CTNND2: variants seen among roughly 807,000 people sequenced by gnomAD.
CTNND2 encodes catenin delta 2.
CTNND2 carries 22 observed loss-of-function variants against 144.4 expected under a neutral mutation model. The observed-to-expected ratio is 0.15, with a 90% CI of 0.11 to 0.22. The LOEUF (loss-of-function observed/expected upper bound fraction) is 0.22, where lower values mean the gene tolerates loss of function less well. Ranked by LOEUF, CTNND2 falls within the 10% of genes least tolerant of loss-of-function variation. The pLI is 1.00. For synonymous variants in CTNND2, 751 were observed against 695.6 expected (o/e 1.08, Z -1.25); for missense variants, 1,353 against 1,618.8 (o/e 0.84, Z 2.82).
intron 9 of CTNND2, among the ~76,000 whole-genome samples, chr5:11,299,099 G>A (rs1172934337): frequency 6.6e-6 from 1 of 152,088 alleles, no homozygotes; most frequent in African/African-American, 2.4e-5. Context: ...ATAATAAAAT[G>A]ATAGTGACGC....
chr5:11,143,251 T>C (rs1335933628), intron 12 of CTNND2, among the ~76,000 whole-genome samples: 1 of 152,218 alleles, frequency 6.6e-6, no homozygotes, highest in Non-Finnish European at 1.5e-5. Context: ...TGACTTCCCC[T>C]ACCCTTCCTA....
chr5:11,711,228 G>C (rs1272527296), intron 2 of CTNND2, among the ~76,000 whole-genome samples: 1 of 151,942 alleles, frequency 6.6e-6, no homozygotes, highest in Middle Eastern at 3.2e-3. Context: ...GCTAATTTTT[G>C]TATTTTTAGC....
chr5:11,317,844 T>G (rs1356885505), intron 9 of CTNND2, among the ~76,000 whole-genome samples: 2 of 152,146 alleles, frequency 1.3e-5, no homozygotes, highest in Non-Finnish European at 2.9e-5. Flanking sequence ...AAGATGGAAA[T>G]GTGAAGATGC....
chr5:11,432,519 G>T (rs866871908), intron 3 of CTNND2, among the ~76,000 whole-genome samples: 26 of 152,288 alleles, frequency 1.7e-4, no homozygotes, highest in African/African-American at 5.3e-4. Context: ...ACTACAGCTA[G>T]GTGTGCATGA....
intron 3 of CTNND2, among the ~76,000 whole-genome samples, chr5:11,501,630 T>C (rs933800292): frequency 6.6e-6 from 1 of 152,122 alleles, no homozygotes; most frequent in Non-Finnish European, 1.5e-5. Context: ...CTAATCCCAA[T>C]GTGACAGTTA....
intron 16 of CTNND2, among the ~76,000 whole-genome samples, chr5:11,049,015 A>G (rs1225596330): frequency 6.6e-6 from 1 of 152,164 alleles, no homozygotes; most frequent in East Asian, 1.9e-4. Context: ...ACAACAAAAA[A>G]TGTTTTCTGA....
chr5:11,463,695 A>C (rs1025350571), intron 3 of CTNND2, among the ~76,000 whole-genome samples: 1 of 151,926 alleles, frequency 6.6e-6, no homozygotes, highest in Non-Finnish European at 1.5e-5. Flanking sequence ...AAAAAAAAAA[A>C]AACTTTAAGG....
intron 1 of CTNND2, among the ~76,000 whole-genome samples, chr5:11,863,040 T>C (rs1795575393): frequency 6.6e-6 from 1 of 152,188 alleles, no homozygotes; most frequent in Admixed American, 6.5e-5. Context: ...CTGTCCCTAG[T>C]TTAGCAATGC....
At chr5:11,056,769 AG>A (rs774495414) in intron 16 of CTNND2, among the ~76,000 whole-genome samples, 13 of 152,238 alleles carry the variant, frequency 8.5e-5, no homozygotes, top group Non-Finnish European at 1.5e-4. Flanking sequence ...CATTCATAAG[AG>A]GAAATGGCTG....
At chr5:11,133,034 A>G (rs971611909) in intron 12 of CTNND2, among the ~76,000 whole-genome samples, 2 of 152,232 alleles carry the variant, frequency 1.3e-5, no homozygotes, top group Non-Finnish European at 2.9e-5. Flanking sequence ...TATTAAAAAC[A>G]GACAAACCAT....
In CTNND2 at chr5:11,417,535, C is replaced by CA. The variant is rs889726953; in HGVS notation, c.288-5467dup. ...GCATAGCTGGTGCACAGCAAAAAAA[C>CA]AAAAAAAAATGTATGGCCACTGAAC... On this transcript the variant is annotated intron_variant, in intron 3 of 21. Transcript: ENST00000304623. 2.7e-4 allele frequency among the ~76,000 whole-genome samples: 41 copies of CA among 149,590 alleles called. 1 individual carries two copies. The highest frequency in any genetic ancestry group is 1.1e-3 in the Admixed American group (16 of 15,120).
intron 1 of CTNND2, among the ~76,000 whole-genome samples, chr5:11,827,047 A>G (rs757219906): frequency 6.6e-6 from 1 of 152,134 alleles, no homozygotes; most frequent in Non-Finnish European, 1.5e-5. Context: ...ACACTTGGAC[A>G]TTGATAAAGA....
chr5:11,163,274 C>T (rs186196504), intron 11 of CTNND2, among the ~76,000 whole-genome samples: 81 of 152,278 alleles, frequency 5.3e-4, no homozygotes, highest in African/African-American at 1.9e-3. Context: ...AATTGTCATG[C>T]CATCATGAGG....
chr5:11,365,005 C>T, intron 7 of CTNND2, 115 bp from the exon 8 acceptor site: 4 of 815,708 alleles, frequency 4.9e-6, no homozygotes, highest in Non-Finnish European at 7.8e-6. Flanking sequence ...CCCAGGAAAC[C>T]AAATGAATAG....
At chr5:11,643,875 A>C (rs564448095) in intron 2 of CTNND2, among the ~76,000 whole-genome samples, 1 of 152,214 alleles carries the variant, frequency 6.6e-6, no homozygotes, top group Non-Finnish European at 1.5e-5. Flanking sequence ...GTAAAACGAA[A>C]GAATTTCATT....
In CTNND2 at chr5:11,530,117, T is replaced by G. The variant is rs1187493360; in HGVS notation, c.287+34827A>C. Among the ~76,000 whole-genome samples the G allele has an allele frequency of 2.7e-5, 4 of 150,426 alleles. No homozygotes were observed. In the East Asian group the frequency reaches 7.7e-4, roughly 29 times the overall value. On this transcript the variant is annotated intron_variant, in intron 3 of 21. Coordinates refer to ENST00000304623, the MANE Select transcript of CTNND2 (RefSeq NM_001332.4). ...AATAGTTCCTTTGATTTTAACTCCA[T>G]AAGTGCTCACCTCAAAGTTTTCATT...
At chr5:11,380,901 A>G (rs1024789291) in intron 7 of CTNND2, among the ~76,000 whole-genome samples, 1 of 152,194 alleles carries the variant, frequency 6.6e-6, no homozygotes, top group Non-Finnish European at 1.5e-5. Context: ...CCACTTTCTA[A>G]TGGCTACATG....
chr5:11,489,429 T>A (rs939588368), intron 3 of CTNND2, among the ~76,000 whole-genome samples: 1 of 152,160 alleles, frequency 6.6e-6, no homozygotes, highest in Non-Finnish European at 1.5e-5. Context: ...TTGTAAGACA[T>A]AAAAATATGG....
chr5:11,729,530 C>G (rs1275026289), intron 2 of CTNND2, among the ~76,000 whole-genome samples: 1 of 152,030 alleles, frequency 6.6e-6, no homozygotes, highest in Non-Finnish European at 1.5e-5. Context: ...AAACATATAG[C>G]CCCAACTCAT....
Sources: gnomAD v4.1 joint callset for allele counts (sites outside exome capture counted in the v4.1 genomes callset) on GRCh38, gnomAD v4.1.1 for gene constraint, MANE v1.5 for transcripts, NCBI Gene and HGNC (gene_info 2026-07-23, HGNC 2026-07-21) for gene names.